PCDHGB1: variants seen among roughly 807,000 people sequenced by gnomAD.
PCDHGB1 encodes the protein protocadherin gamma-B1.
Under a neutral mutation model 56.6 loss-of-function variants are expected in PCDHGB1, and 34 were observed. That is an observed-to-expected ratio of 0.60 (90% CI 0.46 to 0.80). The LOEUF is 0.80. Among genes scored for constraint, PCDHGB1 ranks in the 30% least tolerant of loss-of-function variants. The probability of loss-of-function intolerance (pLI) is 0.00; values close to 1 mark genes in which losing one functional copy is unlikely to be tolerated. For missense variants in PCDHGB1, 1,278 were observed against 1,204.6 expected, an observed-to-expected ratio of 1.06 and a Z score of -0.90; for synonymous variants, 561 against 505.9, an observed-to-expected ratio of 1.11 and a Z score of -1.46.
At position 141,491,111 on chromosome 5, in the gene PCDHGB1, A is replaced by G; in HGVS notation, c.2410-3696A>G. 1 of 1,614,162 alleles carries G rather than the reference A, an allele frequency of 6.2e-7. No individual in the cohort carries two copies. Among genetic ancestry groups the G allele is most frequent in the Non-Finnish European group, 8.5e-7 (1 of 1,180,026 alleles). Reference sequence around the variant, plus strand: ...CCAGGACTGTTCCTCGTGTCTACACACACTGGTGAGGTGCGCACAGCCCGG... The same window carrying G: ...CCAGGACTGTTCCTCGTGTCTACACGCACTGGTGAGGTGCGCACAGCCCGG... On this transcript the variant is annotated intron_variant, in intron 1 of 3. Transcript: ENST00000523390. This position sits in a 1 kb window ranked among gnomAD's most constrained non-coding sequence, Gnocchi z 6.9.
intron 1 of PCDHGB1, chr5:141,478,359 G>A: frequency 6.2e-7 from 1 of 1,613,734 alleles, no homozygotes; most frequent in Non-Finnish European, 8.5e-7. Flanking sequence ...GACGCCGTGC[G>A]GGGAGGCCTG....
chr5:141,421,834 CGA>C lies in PCDHGB1; in HGVS notation c.2409+69170_2409+69171del, dbSNP rs763631483. The C allele has an allele frequency of 2.1e-5, 34 of 1,613,630 alleles. No homozygotes were observed. The Admixed American group carries it at 5.5e-4, about 26-fold the overall frequency. ...GCTAGTACTGGAGGGAAGCCTGGAC[CGA>C]GAGAAAGAGGCTGCTCACCTGCTCC... On this transcript the variant is annotated intron_variant, in intron 1 of 3. Transcript: ENST00000523390.
rs1168771567 is a variant in PCDHGB1 at position 141,398,057 on chromosome 5, A to T, written c.2409+45388A>T. On this transcript the variant is annotated intron_variant, in intron 1 of 3. Coordinates refer to ENST00000523390, the MANE Select transcript of PCDHGB1 (RefSeq NM_018922.3). ...CTAAAGCCCGTTCGGAGATCCAAAAATCTACAATACAGAGGTTATTTGTAA... is the reference window on the plus strand; with the variant it reads ...CTAAAGCCCGTTCGGAGATCCAAAATTCTACAATACAGAGGTTATTTGTAA... 9 of 1,524,504 alleles carry T rather than the reference A, an allele frequency of 5.9e-6. No individual in the cohort carries two copies. In the South Asian group the frequency reaches 1.1e-4, roughly 19 times the overall value. 94.4% of individuals were successfully genotyped at this position (1,524,504 alleles called of 1,614,324 possible). A position where few individuals can be genotyped will look rare whatever the true frequency, so the allele number is the denominator to read the frequency against.
chr5:141,388,662 A>G, intron 1 of PCDHGB1: 1 of 1,613,954 alleles, frequency 6.2e-7, no homozygotes, highest in African/African-American at 1.3e-5. Flanking sequence ...CCCGGGGACC[A>G]CGGTGCTACA....
chr5:141,419,389 G>C (rs551951411), intron 1 of PCDHGB1: 1 of 1,613,670 alleles, frequency 6.2e-7, no homozygotes, highest in South Asian at 1.1e-5. Context: ...TGAGCGCGCA[G>C]AGCGGGGTGG....
Position 141,511,590 on chromosome 5 carries a change from A to C in PCDHGB1, c.*417A>C, listed in dbSNP as rs2099883868. On this transcript the variant is annotated 3_prime_UTR_variant, in exon 4 of 4. Transcript: ENST00000523390. ...AGTAAGGTGGTTGGGGTGTTGAAGT[A>C]CCAAGTAACCTACAAGCCTCCTAGT... The C allele has an allele frequency of 3.7e-6, 1 of 267,790 alleles. No homozygotes were observed. Among genetic ancestry groups the C allele is most frequent in the Admixed American group, 4.8e-5 (1 of 20,946 alleles). The allele number at this position is 267,790 out of a possible 1,614,324, so 16.6% of individuals were successfully genotyped here.
chr5:141,423,323 C>A (rs200492485), intron 1 of PCDHGB1: 91 of 1,614,146 alleles, frequency 5.6e-5, no homozygotes, highest in Non-Finnish European at 4.2e-6. Flanking sequence ...GTGGCGGTGG[C>A]CGCAGTCTCC....
rs754530973 is a variant in PCDHGB1 at position 141,413,859 on chromosome 5, C to T, written c.2409+61190C>T. 11 of 1,613,248 alleles carry T rather than the reference C, an allele frequency of 6.8e-6. No individual in the cohort carries two copies. The Admixed American group carries it at 1.7e-4, about 24-fold the overall frequency. On this transcript the variant is annotated intron_variant, in intron 1 of 3. Transcript: ENST00000523390. ...ACGGGGGTGACCCTCTCCGATCTGG[C>T]ACTGTCCTTGTCAGTGTGACTGTCT...
chr5:141,399,721 G>C, intron 1 of PCDHGB1: 1 of 1,613,292 alleles, frequency 6.2e-7, no homozygotes, highest in Non-Finnish European at 8.5e-7. Flanking sequence ...ACAGGCCCGC[G>C]ACCAGGGCTC....
intron 1 of PCDHGB1, chr5:141,377,207 A>T (rs1170353646): frequency 6.6e-6 from 1 of 152,122 alleles, no homozygotes; most frequent in Non-Finnish European, 1.5e-5. Context: ...GATTGAGTAC[A>T]TCTCGTTTCT....
intron 1 of PCDHGB1, among the ~76,000 whole-genome samples, chr5:141,364,051 A>G (rs1322889725): frequency 6.6e-6 from 1 of 152,262 alleles, no homozygotes; most frequent in African/African-American, 2.4e-5. Flanking sequence ...ATTATTAGAA[A>G]TAAAATTATA....
rs199514730 is a variant in PCDHGB1 at position 141,374,139 on chromosome 5, T to C, written c.2409+21470T>C. 615 of 1,609,262 alleles carry C rather than the reference T, an allele frequency of 3.8e-4. No individual in the cohort carries two copies. Among genetic ancestry groups the C allele is most frequent in the Non-Finnish European group, 4.6e-4 (547 of 1,177,006 alleles). ...AGCGAGCAGGTCCTGCTCCTCACGC[T>C]CCTGGGGACGCTGTGGGGGGCCGCG... On this transcript the variant is annotated intron_variant, in intron 1 of 3. Transcript: ENST00000523390.
intron 1 of PCDHGB1, chr5:141,371,270 C>T (rs778912997): frequency 6.2e-7 from 1 of 1,613,894 alleles, no homozygotes; most frequent in African/African-American, 1.3e-5. Flanking sequence ...GACAACTGTT[C>T]AAGCTGGACA....
At chr5:141,381,603 T>C (rs751788788) in intron 1 of PCDHGB1, among the ~76,000 whole-genome samples, 4 of 152,242 alleles carry the variant, frequency 2.6e-5, no homozygotes, top group African/African-American at 4.8e-5. Context: ...TTCTTATGAA[T>C]TCACAGCCCA....
chr5:141,466,573 C>T (rs2099125317), intron 1 of PCDHGB1, among the ~76,000 whole-genome samples: 1 of 152,104 alleles, frequency 6.6e-6, no homozygotes, highest in South Asian at 2.1e-4. Context: ...TCAACATTGT[C>T]TCATCCCTTC....
In PCDHGB1 at chr5:141,432,002, G is replaced by T; in HGVS notation, c.2410-62805G>T. The T allele has an allele frequency of 6.2e-7, 1 of 1,614,186 alleles. No homozygotes were observed. The highest frequency in any genetic ancestry group is 1.1e-5 in the South Asian group (1 of 91,090). ...AGACATAGTCTTGGATAGGGAACAGGTTCCTAGCTACAACATCACAGTGAC... is the reference window on the plus strand; with the variant it reads ...AGACATAGTCTTGGATAGGGAACAGTTTCCTAGCTACAACATCACAGTGAC... On this transcript the variant is annotated intron_variant, in intron 1 of 3. Coordinates refer to ENST00000523390, the MANE Select transcript of PCDHGB1 (RefSeq NM_018922.3). The surrounding 1 kb of genome is among the most constrained non-coding windows in gnomAD (Gnocchi z 6.0).
intron 1 of PCDHGB1, among the ~76,000 whole-genome samples, chr5:141,454,379 T>A (rs770736083): frequency 1.2e-3 from 179 of 152,316 alleles, no homozygotes; most frequent in Non-Finnish European, 2.1e-3. Flanking sequence ...TGGCAACTTG[T>A]CAAGATGAAG....
rs1001912556 is a variant in PCDHGB1, at chr5:141,493,404, CTCTGCTGGGATTTTGCT to C, written c.2410-1391_2410-1375del. Among the ~76,000 whole-genome samples, 10 of 152,266 alleles carry C rather than the reference CTCTGCTGGGATTTTGCT, an allele frequency of 6.6e-5. No individual in the cohort carries two copies. Among genetic ancestry groups the C allele is most frequent in the Admixed American group, 6.5e-4 (10 of 15,298 alleles). On this transcript the variant is annotated intron_variant, in intron 1 of 3. Coordinates refer to ENST00000523390, the MANE Select transcript of PCDHGB1 (RefSeq NM_018922.3). The surrounding 1 kb of genome is among the most constrained non-coding windows in gnomAD (Gnocchi z 4.3). ...CTTGAGGACAGGAGAGGGGAGTTGCCTCTGCTGGGATTTTGCTTCTGCTGGGATGGGGCAAGGGTGGG... is the reference window on the plus strand; with the variant it reads ...CTTGAGGACAGGAGAGGGGAGTTGCCTCTGCTGGGATGGGGCAAGGGTGGG...
At chr5:141,390,649 G>A in intron 1 of PCDHGB1, 1 of 210,770 alleles carries the variant, frequency 4.7e-6, no homozygotes, top group Non-Finnish European at 9.4e-6. Flanking sequence ...TTTTCAGCTT[G>A]GATATACCAT....
Sources: allele counts gnomAD v4.1 joint callset (sites outside exome capture counted in the v4.1 genomes callset), GRCh38; gene constraint gnomAD v4.1.1; non-coding constraint Gnocchi (gnomAD v3.1); transcripts MANE v1.5; gene names NCBI Gene and HGNC (gene_info 2026-07-23, HGNC 2026-07-21).